VPS13B: variants seen among roughly 807,000 people sequenced by gnomAD.
VPS13B encodes the protein intermembrane lipid transfer protein VPS13B.
A neutral mutation model predicts 426.4 loss-of-function variants in VPS13B; 285 were observed. The observed-to-expected ratio is 0.67, with a 90% CI of 0.61 to 0.74. The LOEUF (loss-of-function observed/expected upper bound fraction) is 0.74, where lower values mean the gene tolerates loss of function less well. Among genes scored for constraint, VPS13B ranks in the 30% least tolerant of loss-of-function variants. The pLI is 0.00. For missense variants in VPS13B, 4,537 were observed against 4,782.6 expected (o/e 0.95, Z 1.51); for synonymous variants, 1,676 against 1,676.4 (o/e 1.00, Z 0.01).
At chr8:99,380,422 G>A (rs987442165) in intron 19 of VPS13B, among the ~76,000 whole-genome samples, 46 of 152,196 alleles carry the variant, frequency 3.0e-4, no homozygotes, top group African/African-American at 1.1e-3. Context: ...ATCATCTTGT[G>A]TTTGCTTAGC....
At chr8:99,584,504 C>T (rs1480012173) in intron 33 of VPS13B, among the ~76,000 whole-genome samples, 1 of 152,178 alleles carries the variant, frequency 6.6e-6, no homozygotes, top group East Asian at 1.9e-4. Context: ...TTACTATATG[C>T]CAGATACACT....
intron 33 of VPS13B, among the ~76,000 whole-genome samples, chr8:99,590,849 G>A (rs564450303): frequency 2.0e-5 from 3 of 152,178 alleles, no homozygotes; most frequent in East Asian, 3.9e-4. Context: ...ATGTCTATTA[G>A]GTCTGCTTGT....
intron 34 of VPS13B, among the ~76,000 whole-genome samples, chr8:99,649,092 A>G (rs1347380666): frequency 2.0e-5 from 3 of 151,930 alleles, no homozygotes; most frequent in Non-Finnish European, 4.4e-5. Context: ...GTTCATTCCA[A>G]TTACTGTTTC....
Position 99,717,236 on chromosome 8 carries a change from G to A in VPS13B, c.6520G>A (p.Glu2174Lys). ...NDFLLKTSLKERSRILIGPCC... is the reference protein window; with the variant it reads ...NDFLLKTSLKKRSRILIGPCC... ...TTTTCTCCTTAAAACAAGTCTCAAAGAAAGAAGCCGCATTCTGATAGGACC... is the reference window on the plus strand; with the variant it reads ...TTTTCTCCTTAAAACAAGTCTCAAAAAAAGAAGCCGCATTCTGATAGGACC... The change falls in exon 37 of 62, where the codon GAA (glutamate) becomes AAA (lysine). Residue 2174 changes from glutamate (E) to lysine (K), a missense_variant. Transcript: ENST00000357162. 1.2e-6 allele frequency: 2 copies of A among 1,613,800 alleles called. No homozygotes were observed. Among genetic ancestry groups the A allele is most frequent in the Non-Finnish European group, 1.7e-6 (2 of 1,179,922 alleles).
intron 7 of VPS13B, chr8:99,119,302 A>G (rs1847825715): frequency 6.6e-6 from 1 of 152,170 alleles, no homozygotes; most frequent in Admixed American, 6.5e-5. Flanking sequence ...GTATGATGGC[A>G]TGATCATAGC....
In VPS13B at chr8:99,820,117, T is replaced by C. The variant is rs1488983372; in HGVS notation, c.8989T>C (p.Phe2997Leu). 4 of 1,613,540 alleles carry C rather than the reference T, an allele frequency of 2.5e-6. No individual in the cohort carries two copies. Among genetic ancestry groups the C allele is most frequent in the Non-Finnish European group, 3.4e-6 (4 of 1,179,712 alleles). The change falls in exon 49 of 62, where the codon TTT (phenylalanine) becomes CTT (leucine). Residue 2997 changes from phenylalanine to leucine, a missense_variant. Phe to Leu is a conservative substitution (Grantham distance 22). Coordinates refer to ENST00000357162, the MANE Select transcript of VPS13B (RefSeq NM_152564.5). The part of the protein sequence containing the change: ...PAGKIIIPPN[F>L]QEAFQIGIYW... ...TGGCAAAATTATTATTCCTCCTAAT[T>C]TTCAGGTACTATAACTTTTTTAACT...
At chr8:99,484,520 T>G (rs1440343591) in intron 25 of VPS13B, among the ~76,000 whole-genome samples, 1 of 152,136 alleles carries the variant, frequency 6.6e-6, no homozygotes, top group Non-Finnish European at 1.5e-5. Context: ...TAAAACAATT[T>G]AGCTGATTTG....
At chr8:99,487,184 G>A (rs1214904159) in intron 25 of VPS13B, among the ~76,000 whole-genome samples, 2 of 151,812 alleles carry the variant, frequency 1.3e-5, no homozygotes, top group Non-Finnish European at 2.9e-5. Context: ...AGCACAGAGG[G>A]TAGTGAAGGG....
In VPS13B at chr8:99,876,547, T is replaced by C. The variant is rs1411928401; in HGVS notation, c.*881T>C. 6.6e-6 allele frequency: 1 copy of C among 152,186 alleles called. No homozygotes were observed. Among genetic ancestry groups the C allele is most frequent in the Non-Finnish European group, 1.5e-5 (1 of 68,030 alleles). 9.4% of individuals were successfully genotyped at this position (152,186 alleles called of 1,614,324 possible). A position where few individuals can be genotyped will look rare whatever the true frequency, so the allele number is the denominator to read the frequency against. On this transcript the variant is annotated 3_prime_UTR_variant, in exon 62 of 62. Transcript: ENST00000357162. ...ATAGTGGGAACTCCCTGGTATGCCA[T>C]AGAGCACACAAGAACCCCAATATTA...
intron 36 of VPS13B, among the ~76,000 whole-genome samples, chr8:99,716,699 C>T (rs892663721): frequency 2.0e-5 from 3 of 152,058 alleles, no homozygotes; most frequent in African/African-American, 7.2e-5. Context: ...TTTTAGAAAA[C>T]ACACGTTATA....
intron 8 of VPS13B, 90 bp from the exon 9 acceptor site, chr8:99,134,542 G>T (rs920015319): frequency 3.4e-5 from 34 of 1,007,036 alleles, no homozygotes; most frequent in Non-Finnish European, 4.4e-5. Context: ...TCTTAAAATT[G>T]GCCTTGTTTT....
chr8:99,354,632 G>A (rs954756611), intron 19 of VPS13B, among the ~76,000 whole-genome samples: 2 of 152,062 alleles, frequency 1.3e-5, no homozygotes, highest in Non-Finnish European at 2.9e-5. Flanking sequence ...TTATGGAGAT[G>A]TCTTTTTTAG....
At chr8:99,086,583 T>G (rs1420595434) in intron 3 of VPS13B, among the ~76,000 whole-genome samples, 1 of 152,202 alleles carries the variant, frequency 6.6e-6, no homozygotes, top group African/African-American at 2.4e-5. Flanking sequence ...TCCCCATCTT[T>G]GTGGTTTTAT....
chr8:99,408,568 T>A (rs1815455294), intron 21 of VPS13B, among the ~76,000 whole-genome samples: 1 of 152,158 alleles, frequency 6.6e-6, no homozygotes, highest in African/African-American at 2.4e-5. Context: ...CTCAAGAGTT[T>A]TGCTTTGGCT....
chr8:99,665,199 T>C lies in VPS13B; in HGVS notation c.6046+3708T>C, dbSNP rs1196417359. Among the ~76,000 whole-genome samples the C allele has an allele frequency of 1.1e-4, 17 of 152,314 alleles. No individual in the cohort carries two copies. The East Asian group carries it at 1.7e-3, about 16-fold the overall frequency. ...TTTCTTATAAATTTGTTTGAGTTCA[T>C]TGTAGATTCTGGATATTAGCCCTTT... On this transcript the variant is annotated intron_variant, in intron 35 of 61. Coordinates refer to ENST00000357162, the MANE Select transcript of VPS13B (RefSeq NM_152564.5).
At chr8:99,422,669 A>C (rs1045068052) in intron 21 of VPS13B, among the ~76,000 whole-genome samples, 8 of 152,198 alleles carry the variant, frequency 5.3e-5, no homozygotes, top group African/African-American at 1.9e-4. Flanking sequence ...CAAGAAGTCC[A>C]AATAAGTACA....
rs1289418559 is a variant in VPS13B at position 99,766,922 on chromosome 8, T to C, written c.7199T>C (p.Leu2400Pro). The change falls in exon 40 of 62, where the codon CTT becomes CCT. Residue 2400 changes from leucine (L) to proline (P), a missense_variant. Transcript: ENST00000357162. ...NDQKKLVSSD[L>P]WRIVLNSSQN... Reference sequence around the variant, plus strand: ...CAGAAGAAATTAGTATCTTCAGATCTTTGGAGAATTGTCTTGAACAGCAGT... The same window carrying C: ...CAGAAGAAATTAGTATCTTCAGATCCTTGGAGAATTGTCTTGAACAGCAGT... 1 of 1,613,912 alleles carries C rather than the reference T, an allele frequency of 6.2e-7. No individual in the cohort carries two copies. The highest frequency in any genetic ancestry group is 2.2e-5 in the East Asian group (1 of 44,828).
At chr8:99,855,021 A>G (rs546919374) in intron 56 of VPS13B, among the ~76,000 whole-genome samples, 22 of 152,296 alleles carry the variant, frequency 1.4e-4, no homozygotes, top group African/African-American at 4.8e-4. Flanking sequence ...TGGCTGGAAA[A>G]GTCTGCAGGG....
intron 8 of VPS13B, among the ~76,000 whole-genome samples, chr8:99,129,596 A>G (rs1033362942): frequency 6.7e-6 from 1 of 150,164 alleles, no homozygotes; most frequent in Admixed American, 6.7e-5. Flanking sequence ...AAAAAGTCTG[A>G]CATTTTGTAA....
Sources: gnomAD v4.1 joint callset for allele counts (sites outside exome capture counted in the v4.1 genomes callset) on GRCh38, gnomAD v4.1.1 for gene constraint, MANE v1.5 for transcripts, NCBI Gene and HGNC (gene_info 2026-07-23, HGNC 2026-07-21) for gene names.